CDH23: variants seen among roughly 807,000 people sequenced by gnomAD.
The protein encoded by CDH23 is cadherin related 23.
A neutral mutation model predicts 317.1 loss-of-function variants in CDH23; 189 were observed. The ratio of observed to expected loss-of-function variants is 0.60; its 90% CI spans 0.53 to 0.67. The LOEUF (loss-of-function observed/expected upper bound fraction) is 0.67, where lower values mean the gene tolerates loss of function less well. Ranked by LOEUF, CDH23 falls within the 30% of genes least tolerant of loss-of-function variation. The pLI is 0.00. For missense variants in CDH23, 4,401 were observed against 4,592.4 expected, an observed-to-expected ratio of 0.96 and a Z score of 1.20; for synonymous variants, 1,839 against 1,876.8, an observed-to-expected ratio of 0.98 and a Z score of 0.52.
chr10:71,510,842 C>A, intron 4 of CDH23, 112 bp from the exon 5 acceptor site: 1 of 1,022,438 alleles, frequency 9.8e-7, no homozygotes. Context: ...GTGCCTGGTT[C>A]CAGGCAAGCT....
intron 6 of CDH23, among the ~76,000 whole-genome samples, chr10:71,524,648 G>T (rs535059990): frequency 9.8e-5 from 15 of 152,290 alleles, no homozygotes; most frequent in African/African-American, 3.4e-4. Context: ...GGATTTTGCG[G>T]TTAAGGACCT....
chr10:71,763,769 T>C (rs1029197796), intron 38 of CDH23, among the ~76,000 whole-genome samples: 9 of 152,240 alleles, frequency 5.9e-5, no homozygotes, highest in Non-Finnish European at 8.8e-5. Context: ...ACTTGGGAGC[T>C]AGACAGGTCT....
intron 3 of CDH23, among the ~76,000 whole-genome samples, chr10:71,498,723 G>T (rs12413038): frequency 2.6e-5 from 4 of 152,204 alleles, no homozygotes; most frequent in Admixed American, 2.6e-4. Context: ...GATGCATTGG[G>T]TTGTAGGGGA....
chr10:71,539,451 TTCTC>T (rs931480502), intron 6 of CDH23, among the ~76,000 whole-genome samples: 2 of 151,778 alleles, frequency 1.3e-5, no homozygotes, highest in East Asian at 1.9e-4. Context: ...CTCTCTCTCT[TTCTC>T]TCTCTCTCTG....
chr10:71,733,539 C>A (rs1030266820), intron 32 of CDH23, among the ~76,000 whole-genome samples: 1 of 152,134 alleles, frequency 6.6e-6, no homozygotes, highest in East Asian at 1.9e-4. Context: ...ACTCCTATCA[C>A]CTAGGAAATG....
chr10:71,674,873 A>G (rs1198076093), intron 14 of CDH23, among the ~76,000 whole-genome samples: 1 of 152,166 alleles, frequency 6.6e-6, no homozygotes. Flanking sequence ...TGGGATGGCC[A>G]CACCTGGTGT....
chr10:71,487,959 C>T (rs902033752), intron 3 of CDH23, among the ~76,000 whole-genome samples: 9 of 152,234 alleles, frequency 5.9e-5, no homozygotes, highest in Admixed American at 1.3e-4. Context: ...ATAATATATC[C>T]ACCCTGTGCG....
At chr10:71,509,036 G>T (rs940445973) in intron 3 of CDH23, among the ~76,000 whole-genome samples, 3 of 152,182 alleles carry the variant, frequency 2.0e-5, no homozygotes, top group South Asian at 2.1e-4. Flanking sequence ...CTTAGGGAGG[G>T]TATAGACCAG....
In CDH23 at chr10:71,777,828, G is replaced by T. The variant is rs1362090027; in HGVS notation, c.4994G>T (p.Gly1665Val). ...ATCCAGGCACTGGACCTGGATGAGG[G>T]TCCCAACGGCACAGTCACCTATGCC... is the stretch of plus-strand genomic sequence containing the variant. Reference protein sequence around the residue: ...ITIQALDLDEGPNGTVTYAIV... With the variant: ...ITIQALDLDEVPNGTVTYAIV... Residue 1665 changes from glycine to valine, a missense_variant, in exon 39 of 70, where the codon GGT becomes GTT. Around this residue, in one of 3 missense-constraint regions of CDH23, gnomAD observed 3,068 missense variants for 3,203.3 expected, o/e 0.96. Coordinates refer to ENST00000224721, the MANE Select transcript of CDH23 (RefSeq NM_022124.6). The T allele has an allele frequency of 1.2e-6, 2 of 1,613,784 alleles. No individual in the cohort carries two copies. Among genetic ancestry groups the T allele is most frequent in the Admixed American group, 1.7e-5 (1 of 59,994 alleles).
chr10:71,600,508 G>A (rs984029239), intron 9 of CDH23, among the ~76,000 whole-genome samples: 7 of 149,808 alleles, frequency 4.7e-5, no homozygotes, highest in Middle Eastern at 3.5e-3. Flanking sequence ...TTGTTTGACC[G>A]CAGAACTTTT....
Position 71,705,816 on chromosome 10 carries a change from C to G in CDH23, c.2953+686C>G, listed in dbSNP as rs76985017. 1.7e-3 allele frequency among the ~76,000 whole-genome samples: 261 copies of G among 152,252 alleles called. 11 individuals are homozygous for G. In the East Asian group the frequency reaches 0.046, roughly 27 times the overall value. On this transcript the variant is annotated intron_variant, in intron 25 of 69. Transcript: ENST00000224721. The stretch of plus-strand genomic sequence containing the variant: ...GCAGAGTTTAGCAGGCAAGACATGG[C>G]CTGTTCCCTGAGCCTGTTCAATCCC...
rs777825414 is a variant in CDH23, at chr10:71,675,130, G to T, written c.1468G>T (p.Gly490Cys). 3 of 1,614,004 alleles carry T rather than the reference G, an allele frequency of 1.9e-6. No individual in the cohort carries two copies. The East Asian group carries it at 6.7e-5, about 36-fold the overall frequency. Reference protein sequence around the residue: ...LTVLATDNDAGTFGEVSYFFS... With the variant: ...LTVLATDNDACTFGEVSYFFS... Reference sequence around the variant, plus strand: ...GTTGCAGGCAACTGACAATGATGCAGGCACCTTTGGGGAAGTCAGCTACTT... The same window carrying T: ...GTTGCAGGCAACTGACAATGATGCATGCACCTTTGGGGAAGTCAGCTACTT... Residue 490 changes from glycine (G) to cysteine (C), a missense_variant, in exon 15 of 70, where the codon GGC (glycine) becomes TGC (cysteine). Transcript: ENST00000224721.
chr10:71,791,842 C>T (rs2132950670), intron 47 of CDH23, among the ~76,000 whole-genome samples: 1 of 152,266 alleles, frequency 6.6e-6, no homozygotes, highest in Admixed American at 6.5e-5. Flanking sequence ...TCCCAAAGTG[C>T]TGGGATTACA....
At chr10:71,760,397 G>C (rs1466577950) in intron 38 of CDH23, 2 of 153,080 alleles carry the variant, frequency 1.3e-5, no homozygotes, top group African/African-American at 4.9e-5. Context: ...CTCAGGAAAG[G>C]TAGTTCTGTT....
intron 1 of CDH23, among the ~76,000 whole-genome samples, chr10:71,410,520 G>A (rs1179238066): frequency 3.9e-5 from 6 of 152,134 alleles, no homozygotes; most frequent in Non-Finnish European, 8.8e-5. Flanking sequence ...ACTTCTTAAG[G>A]CAACTTTTTA....
chr10:71,458,303 G>C (rs1303028257), intron 3 of CDH23, among the ~76,000 whole-genome samples: 1 of 152,228 alleles, frequency 6.6e-6, no homozygotes, highest in Non-Finnish European at 1.5e-5. Flanking sequence ...TTCCTTGAAG[G>C]TCCCCTCACC....
chr10:71,663,378 C>G (rs1863757831), intron 14 of CDH23, among the ~76,000 whole-genome samples: 1 of 152,252 alleles, frequency 6.6e-6, no homozygotes, highest in African/African-American at 2.4e-5. Context: ...CCTCAGTTGC[C>G]TGCCGGGAAT....
chr10:71,539,818 C>G (rs1182299651), intron 6 of CDH23, among the ~76,000 whole-genome samples: 1 of 151,970 alleles, frequency 6.6e-6, no homozygotes, highest in African/African-American at 2.4e-5. Context: ...TGACCTCTCT[C>G]TGTCTCCCTG....
chr10:71,681,675 G>A (rs767887580), intron 17 of CDH23, among the ~76,000 whole-genome samples: 8 of 152,194 alleles, frequency 5.3e-5, no homozygotes, highest in South Asian at 2.1e-4. Context: ...AGTGGCTCAC[G>A]CCTGTAATCC....
Sources: allele counts gnomAD v4.1 joint callset (sites outside exome capture counted in the v4.1 genomes callset), GRCh38; gene constraint gnomAD v4.1.1; regional missense constraint gnomAD v4.1.1; transcripts MANE v1.5; gene names NCBI Gene and HGNC (gene_info 2026-07-23, HGNC 2026-07-21).